The following TMEM232 variants were observed in gnomAD, a reference collection of about 807,000 sequenced individuals.
The protein encoded by TMEM232 is transmembrane protein 232.
TMEM232 carries 80 observed loss-of-function variants against 78.8 expected under a neutral mutation model. The ratio of observed to expected loss-of-function variants is 1.01; its 90% CI spans 0.85 to 1.22. The LOEUF (loss-of-function observed/expected upper bound fraction) is 1.22, where lower values mean the gene tolerates loss of function less well. Ranked by LOEUF, TMEM232 falls within the 50% of genes most tolerant of loss-of-function variation. The probability of loss-of-function intolerance (pLI) is 0.00; values close to 1 mark genes in which losing one functional copy is unlikely to be tolerated. For synonymous variants in TMEM232, 297 were observed against 254.3 expected, an observed-to-expected ratio of 1.17 and a Z score of -1.60; for missense variants, 881 against 742.2, an observed-to-expected ratio of 1.19 and a Z score of -2.17.
At chr5:110,429,544 C>T (rs1757600133) in intron 12 of TMEM232, among the ~76,000 whole-genome samples, 1 of 151,742 alleles carries the variant, frequency 6.6e-6, no homozygotes, top group Non-Finnish European at 1.5e-5. Flanking sequence ...TTTATTCCTA[C>T]ATCTCACACC....
chr5:110,397,170 A>G (rs576042543), intron 3 of TMEM232, among the ~76,000 whole-genome samples: 9 of 152,294 alleles, frequency 5.9e-5, no homozygotes, highest in African/African-American at 2.2e-4. Flanking sequence ...TAAACCTCCT[A>G]TGAAGTAGCC....
chr5:110,719,926 T>C (rs1797421063), intron 1 of TMEM232, among the ~76,000 whole-genome samples: 1 of 152,178 alleles, frequency 6.6e-6, no homozygotes, highest in Admixed American at 6.6e-5. Context: ...CTCAGCAGTC[T>C]GATCCAATTA....
intron 2 of TMEM232, among the ~76,000 whole-genome samples, chr5:110,408,094 A>G (rs556197218): frequency 3.4e-4 from 52 of 152,266 alleles, no homozygotes; most frequent in African/African-American, 1.2e-3. Flanking sequence ...ATACAACAAA[A>G]GATACAACAA....
chr5:110,423,149 C>A (rs1756854998), intron 13 of TMEM232, among the ~76,000 whole-genome samples: 1 of 152,148 alleles, frequency 6.6e-6, no homozygotes, highest in African/African-American at 2.4e-5. Context: ...GTCGATATTG[C>A]AGATCCCATC....
chr5:110,531,283 T>C (rs1459809266), intron 11 of TMEM232, among the ~76,000 whole-genome samples: 1 of 152,190 alleles, frequency 6.6e-6, no homozygotes, highest in African/African-American at 2.4e-5. Context: ...AAAAGCTTTA[T>C]TGCTCACACA....
At chr5:110,463,394 CTT>C (rs2149358979) in intron 12 of TMEM232, among the ~76,000 whole-genome samples, 1 of 152,230 alleles carries the variant, frequency 6.6e-6, no homozygotes, top group Admixed American at 6.5e-5. Flanking sequence ...TTAAACATAA[CTT>C]TTATATGCAC....
At chr5:110,550,619 T>C (rs1208946266) in intron 11 of TMEM232, among the ~76,000 whole-genome samples, 1 of 151,906 alleles carries the variant, frequency 6.6e-6, no homozygotes, top group African/African-American at 2.4e-5. Context: ...ATATGATATA[T>C]ATTTTATAAT....
chr5:110,430,584 G>A (rs1184267796), intron 12 of TMEM232, among the ~76,000 whole-genome samples: 2 of 151,262 alleles, frequency 1.3e-5, no homozygotes, highest in Non-Finnish European at 3.0e-5. Context: ...TGCCTTTGAG[G>A]GTTTCTAAAA....
At chr5:110,674,101 G>T (rs1409405182) in intron 1 of TMEM232, among the ~76,000 whole-genome samples, 1 of 150,628 alleles carries the variant, frequency 6.6e-6, no homozygotes, top group Non-Finnish European at 1.5e-5. Flanking sequence ...ATGTTATTTT[G>T]CAATTATTCT....
chr5:110,624,858 C>T (rs1333186319), intron 7 of TMEM232, among the ~76,000 whole-genome samples: 1 of 152,068 alleles, frequency 6.6e-6, no homozygotes, highest in African/African-American at 2.4e-5. Context: ...TTTCAACTCG[C>T]ATAATGTTAA....
At chr5:110,417,526 A>G (rs1756269011), downstream of TMEM232, among the ~76,000 whole-genome samples, 1 of 152,146 alleles carries the variant, frequency 6.6e-6, no homozygotes, top group Admixed American at 6.5e-5. Flanking sequence ...TGGAAGAATT[A>G]AGAATTAGTT....
intron 3 of TMEM232, among the ~76,000 whole-genome samples, chr5:110,393,608 C>T (rs998527212): frequency 6.6e-6 from 1 of 152,152 alleles, no homozygotes; most frequent in East Asian, 1.9e-4. Context: ...TAACCTCAAC[C>T]ATTTATCCTT....
At chr5:110,732,753 C>T (rs1798801447) in intron 2 of TMEM232, among the ~76,000 whole-genome samples, 2 of 152,110 alleles carry the variant, frequency 1.3e-5, no homozygotes, top group Admixed American at 1.3e-4. Flanking sequence ...CTTCATGTTG[C>T]CAAATATTTA....
intron 2 of TMEM232, among the ~76,000 whole-genome samples, chr5:110,665,801 T>C (rs1790489464): frequency 6.6e-6 from 1 of 150,934 alleles, no homozygotes; most frequent in Non-Finnish European, 1.5e-5. Flanking sequence ...ATGCCTGTAA[T>C]TCCAACTTTT....
chr5:110,681,751 T>C (rs1792779139), intron 1 of TMEM232, among the ~76,000 whole-genome samples: 1 of 152,216 alleles, frequency 6.6e-6, no homozygotes, highest in Non-Finnish European at 1.5e-5. Context: ...TGGTCACAAA[T>C]ACTAATCAGT....
intron 2 of TMEM232, among the ~76,000 whole-genome samples, chr5:110,646,019 C>G (rs1023414186): frequency 6.6e-6 from 1 of 151,160 alleles, no homozygotes; most frequent in African/African-American, 2.4e-5. Context: ...GGTGAAAGAC[C>G]TGTACACTGA....
At chr5:110,527,099 T>TG (rs574280653) in intron 12 of TMEM232, among the ~76,000 whole-genome samples, 14 of 151,708 alleles carry the variant, frequency 9.2e-5, no homozygotes, top group Non-Finnish European at 1.5e-4. Flanking sequence ...TAGGGAGGGA[T>TG]GGGGGGTAAA....
intron 12 of TMEM232, among the ~76,000 whole-genome samples, chr5:110,461,156 G>T (rs1761480917): frequency 6.6e-6 from 1 of 152,000 alleles, no homozygotes; most frequent in Admixed American, 6.6e-5. Flanking sequence ...TAGGCCAAAA[G>T]CTAGGTCTCT....
intron 10 of TMEM232, among the ~76,000 whole-genome samples, chr5:110,584,399 C>T (rs1025369952): frequency 6.6e-6 from 1 of 152,004 alleles, no homozygotes; most frequent in African/African-American, 2.4e-5. Context: ...AAGCCAATCA[C>T]AGAAGGGTAA....
Sources: gnomAD v4.1 joint callset for allele counts (sites outside exome capture counted in the v4.1 genomes callset) on GRCh38, gnomAD v4.1.1 for gene constraint, MANE v1.5 for transcripts, NCBI Gene and HGNC (gene_info 2026-07-23, HGNC 2026-07-21) for gene names.